The following ZNF577 variants were observed in gnomAD, a reference collection of about 807,000 sequenced individuals.
The protein encoded by ZNF577 is zinc finger protein 577.
A neutral mutation model predicts 13.9 loss-of-function variants in ZNF577; 14 were observed. That is an observed-to-expected ratio of 1.00 (90% CI 0.66 to 1.57). The LOEUF is 1.57. Ranked by LOEUF, ZNF577 falls within the 40% of genes most tolerant of loss-of-function variation. ZNF577 has a pLI of 0.00. For synonymous variants in ZNF577, 203 were observed against 202.9 expected, an observed-to-expected ratio of 1.00 and a Z score of 0.00; for missense variants, 555 against 579.2, an observed-to-expected ratio of 0.96 and a Z score of 0.43.
At chr19:51,832,824 T>C in intron 9 of ZNF577, among the ~76,000 whole-genome samples, 1 of 122,718 alleles carries the variant, frequency 8.1e-6, no homozygotes, top group African/African-American at 3.1e-5. Flanking sequence ...ATTTTTTACG[T>C]ATGTCAAAAG....
At chr19:51,808,349 CT>C (rs1469111070) in intron 10 of ZNF577, among the ~76,000 whole-genome samples, 1 of 152,098 alleles carries the variant, frequency 6.6e-6, no homozygotes, top group Non-Finnish European at 1.5e-5. Flanking sequence ...TTGTTTGTAC[CT>C]TTTCTAGAGC....
intron 3 of ZNF577, among the ~76,000 whole-genome samples, chr19:51,879,580 A>G (rs192590769): frequency 4.6e-5 from 7 of 152,300 alleles, no homozygotes; most frequent in Admixed American, 2.0e-4. Context: ...GGGGGGAGAA[A>G]AAAAGTAATA....
intron 9 of ZNF577, among the ~76,000 whole-genome samples, chr19:51,835,533 T>C (rs921000010): frequency 2.0e-5 from 3 of 152,164 alleles, no homozygotes; most frequent in African/African-American, 7.2e-5. Context: ...AAGGAACACT[T>C]ACTAGTTTAC....
In ZNF577 at chr19:51,878,418, A is replaced by G. The variant is rs1049601229; in HGVS notation, c.158T>C (p.Leu53Ser). The change falls in exon 4 of 6, where the codon TTG (leucine) becomes TCG (serine). Residue 53 changes from leucine to serine, a missense_variant. Transcript: ENST00000638348. ...SQKVLYKEVMLENYINLVSIG... is the reference protein window; with the variant it reads ...SQKVLYKEVMSENYINLVSIG... ...TGATACTAGGTTGATGTAGTTCTCC[A>G]ACATTACTTCCTTGTACAAGACCTT... 6.2e-7 allele frequency: 1 copy of G among 1,614,154 alleles called. No individual in the cohort carries two copies. The highest frequency in any genetic ancestry group is 8.5e-7 in the Non-Finnish European group (1 of 1,180,002).
At chr19:51,857,427 AAAAG>A (rs1467846990) in intron 5 of ZNF577, among the ~76,000 whole-genome samples, 2 of 60,844 alleles carry the variant, frequency 3.3e-5, no homozygotes, top group Non-Finnish European at 5.7e-5. Context: ...AGAAAGAAAG[AAAAG>A]AAAAAACAAA....
chr19:51,858,379 G>A (rs1568442637), intron 5 of ZNF577, among the ~76,000 whole-genome samples: 1 of 152,178 alleles, frequency 6.6e-6, no homozygotes. Context: ...TTAGGGTAGG[G>A]AGTCCCTCCC....
intron 1 of ZNF577, among the ~76,000 whole-genome samples, chr19:51,882,730 G>C (rs1277972680): frequency 1.3e-5 from 2 of 151,954 alleles, no homozygotes; most frequent in African/African-American, 4.8e-5. Context: ...GCTGAATTGA[G>C]TTTATGACCG....
At chr19:51,810,161 G>C (rs536692217) in intron 10 of ZNF577, among the ~76,000 whole-genome samples, 1 of 152,226 alleles carries the variant, frequency 6.6e-6, no homozygotes, top group South Asian at 2.1e-4. Flanking sequence ...GCTCCTTTTA[G>C]ATTTGTCAAC....
chr19:51,860,734 TACC>T, intron 5 of ZNF577: 1 of 254,060 alleles, frequency 3.9e-6, no homozygotes, highest in South Asian at 4.0e-5. Flanking sequence ...ATGAAGGCTT[TACC>T]ACATTTACTA....
chr19:51,878,460 A>T lies in ZNF577; in HGVS notation c.116T>A (p.Phe39Tyr), dbSNP rs1448427261. Residue 39 changes from phenylalanine (F) to tyrosine (Y), a missense_variant, in exon 4 of 6, where the codon TTT (phenylalanine) becomes TAT (tyrosine). Physicochemically the swap from Phe to Tyr is conservative, Grantham distance 22. Coordinates refer to ENST00000638348, the MANE Select transcript of ZNF577 (RefSeq NM_001370449.1). ...AVGFTREEWQ[F>Y]LDQSQKVLYK... ...CAAGACCTTCTGAGACTGGTCCAAA[A>T]ACTGCCACTCCTCCCTGGTGAAGCC... 6.2e-7 allele frequency: 1 copy of T among 1,614,130 alleles called. No homozygotes were observed. The highest frequency in any genetic ancestry group is 8.5e-7 in the Non-Finnish European group (1 of 1,179,998).
At chr19:51,864,678 A>C (rs1599862274), downstream of ZNF577, among the ~76,000 whole-genome samples, 4 of 152,216 alleles carry the variant, frequency 2.6e-5, no homozygotes, top group Admixed American at 2.6e-4. Flanking sequence ...TTGAAGTTTG[A>C]GTTAGCTATT....
intron 10 of ZNF577, among the ~76,000 whole-genome samples, chr19:51,811,058 G>C (rs2084093321): frequency 6.6e-6 from 1 of 151,992 alleles, no homozygotes; most frequent in African/African-American, 2.4e-5. Flanking sequence ...CTGGAGCTGT[G>C]AGTGGGACAA....
chr19:51,833,378 T>C (rs1205973347), intron 9 of ZNF577, among the ~76,000 whole-genome samples: 3 of 152,208 alleles, frequency 2.0e-5, no homozygotes, highest in Non-Finnish European at 2.9e-5. Flanking sequence ...GATTTTTAGT[T>C]GTTTAAGGTA....
intron 9 of ZNF577, among the ~76,000 whole-genome samples, chr19:51,830,125 T>A (rs567684425): frequency 1.2e-5 from 1 of 85,096 alleles, no homozygotes; most frequent in African/African-American, 4.8e-5. Context: ...TAGCATATGC[T>A]TCTAGTGTTT....
chr19:51,876,594 A>T (rs2084767624), intron 5 of ZNF577, among the ~76,000 whole-genome samples: 1 of 152,080 alleles, frequency 6.6e-6, no homozygotes, highest in Non-Finnish European at 1.5e-5. Context: ...GCCTTTCCAG[A>T]GGGGCCGGGA....
chr19:51,834,524 C>A (rs1462939555), intron 9 of ZNF577, among the ~76,000 whole-genome samples: 1 of 152,076 alleles, frequency 6.6e-6, no homozygotes, highest in Admixed American at 6.5e-5. Flanking sequence ...CCAGCAATAA[C>A]AACATAACTA....
At position 51,870,395 on chromosome 19, in the gene ZNF577, T is replaced by A. The variant is rs2084640566; in HGVS notation, c.*2137A>T. On this transcript the variant is annotated 3_prime_UTR_variant, in exon 6 of 6. Coordinates refer to ENST00000638348, the MANE Select transcript of ZNF577 (RefSeq NM_001370449.1). ...CTAACTTACTTGGAAAGTATGGCCT[T>A]TTCATGGCTTGCATGTATGCTTTGT... is the stretch of plus-strand genomic sequence containing the variant. Among the ~76,000 whole-genome samples, 1 of 152,192 alleles carries A rather than the reference T, an allele frequency of 6.6e-6. No individual in the cohort carries two copies. The highest frequency in any genetic ancestry group is 1.5e-5 in the Non-Finnish European group (1 of 68,044).
At position 51,869,003 on chromosome 19, in the gene ZNF577, G is replaced by A. The variant is rs566856379; in HGVS notation, c.*3529C>T. Among the ~76,000 whole-genome samples the A allele has an allele frequency of 6.6e-6, 1 of 152,078 alleles. No homozygotes were observed. Among genetic ancestry groups the A allele is most frequent in the Admixed American group, 6.5e-5 (1 of 15,296 alleles). On this transcript the variant is annotated 3_prime_UTR_variant, in exon 6 of 6. Transcript: ENST00000638348. The stretch of plus-strand genomic sequence containing the variant: ...GTACCCAGGGACACAATGCACTGCG[G>A]AAGGCCGCAGGGACCTCTGCCCAAG...
rs1366753886 is a variant in ZNF577 at position 51,869,759 on chromosome 19, G to C, written c.*2773C>G. Among the ~76,000 whole-genome samples, 1 of 152,194 alleles carries C rather than the reference G, an allele frequency of 6.6e-6. No homozygotes were observed. Among genetic ancestry groups the C allele is most frequent in the Non-Finnish European group, 1.5e-5 (1 of 68,028 alleles). ...CAGAAACCCCTACAGGGGCTAAACAGTCAAGACACACCAGCCGCTAACTAG... is the reference window on the plus strand; with the variant it reads ...CAGAAACCCCTACAGGGGCTAAACACTCAAGACACACCAGCCGCTAACTAG... On this transcript the variant is annotated 3_prime_UTR_variant, in exon 6 of 6. Transcript: ENST00000638348.
Sources: gnomAD v4.1 joint callset for allele counts (sites outside exome capture counted in the v4.1 genomes callset) on GRCh38, gnomAD v4.1.1 for gene constraint, MANE v1.5 for transcripts, NCBI Gene and HGNC (gene_info 2026-07-23, HGNC 2026-07-21) for gene names.